The following CCDC57 variants were observed in gnomAD, a reference collection of about 807,000 sequenced individuals.
CCDC57 encodes the protein coiled-coil domain-containing protein 57.
In CCDC57, 118 loss-of-function variants were observed where a neutral mutation model predicts 118.9. That is an observed-to-expected ratio of 0.99 (90% CI 0.86 to 1.16). The LOEUF is 1.16. CCDC57 is among the 50% of genes most tolerant of loss of function. CCDC57 has a pLI of 0.00. For missense variants in CCDC57, 1,300 were observed against 1,320.7 expected (o/e 0.98, Z 0.24); for synonymous variants, 527 against 532.9 (o/e 0.99, Z 0.15).
chr17:82,103,838 C>T (rs564194144), intron 19 of CCDC57, among the ~76,000 whole-genome samples: 1 of 148,888 alleles, frequency 6.7e-6, no homozygotes, highest in South Asian at 2.1e-4. Flanking sequence ...CAGGGAGGGG[C>T]AGGGAGGGGC....
At chr17:82,163,163 C>G in intron 14 of CCDC57, 37 bp downstream of exon 13, 1 of 1,606,946 alleles carries the variant, frequency 6.2e-7, no homozygotes, top group Non-Finnish European at 8.5e-7. Context: ...AGCAGCGGCT[C>G]TCTAGGAGGA....
intron 1 of CCDC57, among the ~76,000 whole-genome samples, chr17:82,210,522 A>G (rs1248351249): frequency 1.3e-5 from 2 of 151,042 alleles, no homozygotes; most frequent in Non-Finnish European, 3.0e-5. Context: ...AAATACAAAA[A>G]AAAAAAAAAT....
At chr17:82,126,898 A>G in intron 19 of CCDC57, 1 of 985,432 alleles carries the variant, frequency 1.0e-6, no homozygotes, top group South Asian at 4.7e-5. Flanking sequence ...CTGTAAGGTA[A>G]GAAGGGGACG....
At chr17:82,210,604 C>T (rs1239290650) in intron 1 of CCDC57, among the ~76,000 whole-genome samples, 3 of 150,948 alleles carry the variant, frequency 2.0e-5, no homozygotes, top group Non-Finnish European at 2.9e-5. Flanking sequence ...CACTTGAACC[C>T]GGGAGGCAGA....
chr17:82,191,967 C>A (rs1398772624), intron 7 of CCDC57, among the ~76,000 whole-genome samples: 2 of 150,610 alleles, frequency 1.3e-5, no homozygotes, highest in Non-Finnish European at 2.9e-5. Context: ...CATGCCCAAC[C>A]TAATTCTACT....
intron 9 of CCDC57, among the ~76,000 whole-genome samples, chr17:82,181,782 T>A (rs1010616573): frequency 6.4e-4 from 98 of 152,296 alleles, no homozygotes; most frequent in African/African-American, 2.3e-3. Flanking sequence ...TTTCTTTCAG[T>A]GAATGGAAGA....
chr17:82,144,096 G>A (rs1028530435), intron 16 of CCDC57, among the ~76,000 whole-genome samples: 2 of 151,732 alleles, frequency 1.3e-5, no homozygotes, highest in African/African-American at 4.8e-5. Context: ...CTTCCCCAAA[G>A]GCACTGAGAT....
intron 2 of CCDC57, among the ~76,000 whole-genome samples, chr17:82,205,763 C>T (rs1328176910): frequency 6.6e-6 from 1 of 152,226 alleles, no homozygotes; most frequent in African/African-American, 2.4e-5. Flanking sequence ...AAAATCCATA[C>T]AGCAAGTGAC....
exon 17 of CCDC57, chr17:82,134,085 A>G: frequency 7.1e-7 from 1 of 1,414,036 alleles, no homozygotes; most frequent in Non-Finnish European, 9.2e-7. Flanking sequence ...GAGATGTAAA[A>G]TGGGGCTGCA....
intron 19 of CCDC57, among the ~76,000 whole-genome samples, chr17:82,109,575 C>T (rs189324395): frequency 2.0e-4 from 31 of 152,140 alleles, no homozygotes; most frequent in Admixed American, 1.0e-3. Flanking sequence ...AATAAAGATC[C>T]GGCCAGGCGC....
chr17:82,163,481 A>T, intron 13 of CCDC57, 124 bp from the exon 13 acceptor site: 2 of 1,143,226 alleles, frequency 1.7e-6, no homozygotes, highest in Non-Finnish European at 2.5e-6. Context: ...GCTGACCCCA[A>T]TGCGAAGCTG....
intron 14 of CCDC57, 129 bp from the exon 14 acceptor site, chr17:82,158,077 C>T: frequency 2.8e-6 from 4 of 1,445,638 alleles, no homozygotes; most frequent in Non-Finnish European, 3.6e-6. Context: ...GGCCTCCTCC[C>T]CAGCTGGATG....
intron 7 of CCDC57, among the ~76,000 whole-genome samples, chr17:82,189,479 C>G (rs2047386286): frequency 6.6e-6 from 1 of 152,118 alleles, no homozygotes; most frequent in Non-Finnish European, 1.5e-5. Flanking sequence ...TTTCAGACCC[C>G]TTGGCAAGGC....
intron 16 of CCDC57, among the ~76,000 whole-genome samples, chr17:82,145,580 G>T (rs2040616862): frequency 6.6e-6 from 1 of 152,014 alleles, no homozygotes; most frequent in Admixed American, 6.6e-5. Context: ...AAGTTTACTA[G>T]AAACAACATT....
At position 82,131,370 on chromosome 17, in the gene CCDC57, G is replaced by A. The variant is rs1036350266; in HGVS notation, c.2577+2703C>T. On this transcript the variant is annotated intron_variant, in intron 17 of 19. Transcript: ENST00000665763. ...CGCTTGAACCTGGGAGGCAGAGGTT[G>A]CAGTGAGTCAAGACCACACCACTGC... Among the ~76,000 whole-genome samples, 14 of 151,916 alleles carry A rather than the reference G, an allele frequency of 9.2e-5. No homozygotes were observed. The East Asian group carries it at 2.3e-3, about 25-fold the overall frequency.
At chr17:82,205,237 C>T (rs1326174622) in intron 2 of CCDC57, among the ~76,000 whole-genome samples, 1 of 152,234 alleles carries the variant, frequency 6.6e-6, no homozygotes, top group East Asian at 1.9e-4. Context: ...CAACGGTTCT[C>T]TGCAGAGCCT....
At chr17:82,117,719 T>A (rs2036102197) in intron 19 of CCDC57, among the ~76,000 whole-genome samples, 1 of 151,030 alleles carries the variant, frequency 6.6e-6, no homozygotes, top group Admixed American at 6.6e-5. Context: ...TAATGAAGTA[T>A]CAGTTTTGAC....
intron 9 of CCDC57, among the ~76,000 whole-genome samples, chr17:82,179,665 G>C (rs1166997698): frequency 7.2e-5 from 11 of 152,102 alleles, no homozygotes; most frequent in Non-Finnish European, 1.5e-4. Context: ...CGAGTGCAAA[G>C]GGACAGAGGG....
intron 13 of CCDC57, among the ~76,000 whole-genome samples, chr17:82,169,157 C>T (rs775929763): frequency 6.6e-6 from 1 of 152,030 alleles, no homozygotes; most frequent in African/African-American, 2.4e-5. Context: ...GATGGAGTCT[C>T]GCTCTGTTAC....
Sources: gnomAD v4.1 joint callset for allele counts (sites outside exome capture counted in the v4.1 genomes callset) on GRCh38, gnomAD v4.1.1 for gene constraint, MANE v1.5 for transcripts, NCBI Gene and HGNC (gene_info 2026-07-23, HGNC 2026-07-21) for gene names.